Variants in NARS1 observed in about 807,000 individuals in gnomAD.
NARS1 encodes the protein asparaginyl-tRNA synthetase 1, also known as asparagine--tRNA ligase, cytoplasmic.
A neutral mutation model predicts 79.2 loss-of-function variants in NARS1; 65 were observed. That is an observed-to-expected ratio of 0.82 (90% confidence interval 0.67 to 1.01). NARS1 has a LOEUF of 1.01. Ranked by LOEUF, NARS1 falls within the 50% of genes least tolerant of loss-of-function variation. The pLI is 0.00. For missense variants in NARS1, 649 were observed against 673.8 expected, an observed-to-expected ratio of 0.96 and a Z score of 0.41; for synonymous variants, 229 against 238.8, an observed-to-expected ratio of 0.96 and a Z score of 0.38.
chr18:57,621,649 T>G, intron 1 of NARS1, 59 bp downstream of exon 1: 1 of 1,504,722 alleles, frequency 6.6e-7, no homozygotes, highest in Middle Eastern at 1.8e-4. Flanking sequence ...GAAACCCGAC[T>G]GGAGCAGAGT....
chr18:57,607,038 G>GTT, intron 9 of NARS1, 96 bp downstream of exon 9: 2 of 1,335,260 alleles, frequency 1.5e-6, no homozygotes, highest in Non-Finnish European at 2.1e-6. Context: ...ATATCAGTTG[G>GTT]TTTTTTTTAA....
Position 57,606,636 on chromosome 18 carries a change from T to A in NARS1, c.1117A>T (p.Ile373Leu), listed in dbSNP as rs150182483. 2.5e-6 allele frequency: 4 copies of A among 1,614,030 alleles called. No individual in the cohort carries two copies. Among genetic ancestry groups the A allele is most frequent in the African/African-American group, 2.7e-5 (2 of 74,914 alleles). Residue 373 changes from isoleucine to leucine, a missense_variant, in exon 10 of 14, where the codon ATA (isoleucine) becomes TTA (leucine). Coordinates refer to ENST00000256854, the MANE Select transcript of NARS1 (RefSeq NM_004539.4). ...DRILKSPAGS[I>L]VHELNPNFQP... Reference sequence around the variant, plus strand: ...CCTACCGGGTTGAGCTCATGCACTATGCTCCCTGCAGGTGACTTCAATATT... The same window carrying A: ...CCTACCGGGTTGAGCTCATGCACTAAGCTCCCTGCAGGTGACTTCAATATT...
At chr18:57,615,310 G>A (rs929706914) in intron 4 of NARS1, among the ~76,000 whole-genome samples, 20 of 152,152 alleles carry the variant, frequency 1.3e-4, no homozygotes, top group Non-Finnish European at 2.2e-4. Flanking sequence ...AGACCATCCT[G>A]GCTAACACGG....
At chr18:57,608,854 A>G (rs1018220469) in intron 7 of NARS1, among the ~76,000 whole-genome samples, 17 of 152,220 alleles carry the variant, frequency 1.1e-4, no homozygotes, top group African/African-American at 3.1e-4. Flanking sequence ...CCCACCCTCA[A>G]TGTGGGTGGG....
chr18:57,604,337 G>A (rs1237249417), intron 11 of NARS1, among the ~76,000 whole-genome samples: 1 of 151,952 alleles, frequency 6.6e-6, no homozygotes. Flanking sequence ...AGGACTGCTC[G>A]AGGCCAGGAG....
intron 5 of NARS1, 108 bp downstream of exon 5, chr18:57,613,494 G>GAAAA (rs1327546580): frequency 3.1e-6 from 3 of 965,448 alleles, no homozygotes; most frequent in South Asian, 3.2e-5. Context: ...CTGTGTCTAA[G>GAAAA]AAAAAAAGGG....
At chr18:57,621,407 C>A (rs1908296400) in intron 1 of NARS1, among the ~76,000 whole-genome samples, 1 of 152,234 alleles carries the variant, frequency 6.6e-6, no homozygotes, top group Non-Finnish European at 1.5e-5. Flanking sequence ...TGTGTCTGAA[C>A]CCGTCCCAGC....
chr18:57,603,535 CCAAA>C (rs1449550199), intron 11 of NARS1, among the ~76,000 whole-genome samples: 2 of 152,226 alleles, frequency 1.3e-5, no homozygotes, highest in Non-Finnish European at 2.9e-5. Flanking sequence ...GAATAGTTAC[CCAAA>C]CAATGTTAGA....
At chr18:57,617,914 CAAAAAAAAA>C (rs34518818) in intron 2 of NARS1, among the ~76,000 whole-genome samples, 4 of 97,072 alleles carry the variant, frequency 4.1e-5, no homozygotes, top group Admixed American at 3.3e-4. Flanking sequence ...GACTCCTTTT[CAAAAAAAAA>C]AAAAAGAAAA....
chr18:57,606,779 T>A, intron 9 of NARS1, 28 bp from the exon 10 acceptor site: 1 of 1,613,422 alleles, frequency 6.2e-7, no homozygotes. Flanking sequence ...AGCTCAGCAC[T>A]GCTTTTCTCC....
intron 6 of NARS1, among the ~76,000 whole-genome samples, chr18:57,609,660 T>C (rs2051589599): frequency 6.6e-6 from 1 of 152,200 alleles, no homozygotes; most frequent in Admixed American, 6.5e-5. Context: ...TATATACATA[T>C]ACATGTAAAT....
intron 11 of NARS1, among the ~76,000 whole-genome samples, chr18:57,605,641 A>T (rs2051548609): frequency 1.3e-5 from 2 of 151,926 alleles, no homozygotes; most frequent in Admixed American, 6.6e-5. Context: ...AAAAAAAAGA[A>T]ACTCACTTAC....
intron 4 of NARS1, 27 bp downstream of exon 4, chr18:57,615,614 G>C: frequency 6.7e-7 from 1 of 1,497,796 alleles, no homozygotes; most frequent in Non-Finnish European, 9.3e-7. Flanking sequence ...CCAAGTCCAC[G>C]GTATTTGAAA....
intron 2 of NARS1, among the ~76,000 whole-genome samples, chr18:57,618,289 C>CAAA (rs34320460): frequency 4.9e-5 from 6 of 122,782 alleles, no homozygotes; most frequent in African/African-American, 6.3e-5. Flanking sequence ...AACTCTGTCT[C>CAAA]AAAAAAAAAA....
At chr18:57,609,188 T>C (rs1281802748) in intron 7 of NARS1, among the ~76,000 whole-genome samples, 169 bp downstream of exon 7, 4 of 152,240 alleles carry the variant, frequency 2.6e-5, no homozygotes, top group African/African-American at 7.2e-5. Context: ...TCTTGTGATC[T>C]TGTGAGCCAA....
In NARS1 at chr18:57,607,293, C is replaced by G. The variant is rs1250169943; in HGVS notation, c.842G>C (p.Gly281Ala). 2 of 1,614,108 alleles carry G rather than the reference C, an allele frequency of 1.2e-6. No individual in the cohort carries two copies. The highest frequency in any genetic ancestry group is 1.7e-6 in the Non-Finnish European group (2 of 1,180,018). Residue 281 changes from glycine to alanine, a missense_variant, in exon 9 of 14, where the codon GGT (glycine) becomes GCT (alanine). Physicochemically the swap from Gly to Ala is moderately conservative, Grantham distance 60. Coordinates refer to ENST00000256854, the MANE Select transcript of NARS1 (RefSeq NM_004539.4). Reference sequence around the variant, plus strand: ...ATAGTCAAGCTTGAAGAGTGTGGCACCACCTTCTACTTGTGTTTGCACTAA... The same window carrying G: ...ATAGTCAAGCTTGAAGAGTGTGGCAGCACCTTCTACTTGTGTTTGCACTAA... ...PTLVQTQVEGGATLFKLDYFG... is the reference protein window; with the variant it reads ...PTLVQTQVEGAATLFKLDYFG...
At chr18:57,618,822 A>G (rs767022935) in intron 2 of NARS1, among the ~76,000 whole-genome samples, 2 of 152,160 alleles carry the variant, frequency 1.3e-5, no homozygotes, top group South Asian at 2.1e-4. Flanking sequence ...GGATCCCTTA[A>G]GCCCAGGAGG....
intron 4 of NARS1, 43 bp downstream of exon 4, chr18:57,615,598 A>T (rs762248940): frequency 8.1e-6 from 11 of 1,365,464 alleles, no homozygotes; most frequent in African/African-American, 1.4e-5. Context: ...TAATGATCTG[A>T]TGTAGCCAAG....
intron 10 of NARS1, 58 bp downstream of exon 10, chr18:57,606,558 C>T: frequency 6.4e-7 from 1 of 1,561,864 alleles, no homozygotes; most frequent in South Asian, 1.2e-5. Context: ...AGGGTGAAGA[C>T]TTCATTGTCT....
Sources: gnomAD v4.1 joint callset for allele counts (sites outside exome capture counted in the v4.1 genomes callset) on GRCh38, gnomAD v4.1.1 for gene constraint, MANE v1.5 for transcripts, NCBI Gene and HGNC (gene_info 2026-07-23, HGNC 2026-07-21) for gene names.